IGF2: variants seen among roughly 807,000 people sequenced by gnomAD.
IGF2 encodes the protein insulin like growth factor 2.
Under a neutral mutation model 12.0 loss-of-function variants are expected in IGF2, and 2 were observed. The ratio of observed to expected loss-of-function variants is 0.17; its 90% confidence interval spans 0.07 to 0.52. The LOEUF (loss-of-function observed/expected upper bound fraction) is 0.52. IGF2 is among the 20% of genes least tolerant of loss of function. The pLI, the probability that IGF2 is intolerant of heterozygous loss-of-function variation, is 0.95. For synonymous variants in IGF2, 105 were observed against 110.1 expected (o/e 0.95, Z 0.29); for missense variants, 211 against 268.0 (o/e 0.79, Z 1.48).
upstream of IGF2, among the ~76,000 whole-genome samples, chr11:2,146,003 C>T (rs936606129): frequency 2.0e-5 from 3 of 152,170 alleles, no homozygotes; most frequent in South Asian, 2.1e-4. Context: ...AGAGCTTGGC[C>T]GGCAGGAACT....
the IGF2 span, chr11:2,147,601 G>C: frequency 1.6e-5 from 20 of 1,235,524 alleles, no homozygotes; most frequent in African/African-American, 2.3e-4. This position sits in a 1 kb window ranked among gnomAD's most constrained non-coding sequence, Gnocchi z 7.2. Flanking sequence ...GGCTGGGGCT[G>C]GCTGCCAGCC....
chr11:2,130,511 A>G lies in IGF2; in HGVS notation c.*2476T>C. On this transcript the variant is annotated 3_prime_UTR_variant, in exon 4 of 4. Transcript: ENST00000416167. ...GGCTTCGTGCGTTCTTGCTTTTGTC[A>G]CTGCCCCCCTGTTACATGGGGGGGG... 1 of 199,060 alleles carries G rather than the reference A, an allele frequency of 5.0e-6. No homozygotes were observed. The highest frequency in any genetic ancestry group is 9.8e-6 in the Non-Finnish European group (1 of 102,174). The allele number at this position is 199,060 out of a possible 1,614,324, so 12.3% of individuals were successfully genotyped here. A position where few individuals can be genotyped will look rare whatever the true frequency, so the allele number is the denominator to read the frequency against.
the IGF2 span, chr11:2,148,968 G>T: frequency 1.5e-6 from 1 of 662,320 alleles, no homozygotes; most frequent in Non-Finnish European, 2.6e-6. This position sits in a 1 kb window ranked among gnomAD's most constrained non-coding sequence, Gnocchi z 4.3. Flanking sequence ...AGTTGAGGCT[G>T]CTCTCAGGAG....
At chr11:2,142,388 G>A (rs888885315), upstream of IGF2, among the ~76,000 whole-genome samples, 4 of 152,216 alleles carry the variant, frequency 2.6e-5, no homozygotes, top group Admixed American at 6.5e-5. The surrounding 1 kb of genome is among the most constrained non-coding windows in gnomAD (Gnocchi z 5.7). Flanking sequence ...TTTAAAGAAA[G>A]GGGATTCAGA....
At chr11:2,143,955 G>A (rs969786119), upstream of IGF2, among the ~76,000 whole-genome samples, 1 of 152,238 alleles carries the variant, frequency 6.6e-6, no homozygotes, top group Non-Finnish European at 1.5e-5. Context: ...GCTGGGGCGC[G>A]CGCGGAGCAC....
At position 2,135,534 on chromosome 11, in the gene IGF2, G is replaced by C. The variant is rs748175741; in HGVS notation, c.-6-5C>G. ...CATTGGGATTCCCATTGGTGTCTGG[G>C]GGCGGGAGAGAAGTGGCGTGAGCGG... On this transcript the variant is annotated splice_polypyrimidine_tract_variant and splice_region_variant and intron_variant, in intron 1 of 3. Transcript: ENST00000416167. 1 of 1,611,886 alleles carries C rather than the reference G, an allele frequency of 6.2e-7. No homozygotes were observed.
chr11:2,149,080 A>G, the IGF2 span: 5 of 1,572,656 alleles, frequency 3.2e-6, no homozygotes, highest in Middle Eastern at 3.3e-4. Flanking sequence ...CTGAACACTT[A>G]AAGTGCAGCT....
intron 1 of IGF2, 82 bp from the exon 2 acceptor site, chr11:2,135,611 C>T: frequency 3.9e-6 from 5 of 1,270,184 alleles, no homozygotes; most frequent in Non-Finnish European, 5.5e-6. Flanking sequence ...ACCAAATTTG[C>T]CAACCTACAA....
upstream of IGF2, chr11:2,139,452 GGGCCTCGCT>G (rs1564899879): frequency 1.4e-5 from 2 of 146,768 alleles, no homozygotes; most frequent in African/African-American, 2.5e-5. Context: ...GGGCCCGCGC[GGGCCTCGCT>G]GGCCTCGCGC....
chr11:2,134,203 C>A, intron 2 of IGF2: 1 of 472,164 alleles, frequency 2.1e-6, no homozygotes, highest in Non-Finnish European at 4.3e-6. Context: ...CTCCCGTCTT[C>A]CCCCTCTCCC....
the IGF2 span, chr11:2,146,471 C>A: frequency 1.9e-6 from 1 of 516,284 alleles, no homozygotes; most frequent in Non-Finnish European, 4.0e-6. Context: ...AACTGCAACC[C>A]TCCACACCAG....
chr11:2,147,552 C>A, the IGF2 span: 8 of 1,135,954 alleles, frequency 7.0e-6, no homozygotes, highest in Non-Finnish European at 8.9e-6. The surrounding 1 kb of genome is among the most constrained non-coding windows in gnomAD (Gnocchi z 7.2). Flanking sequence ...CCTCAGGGTG[C>A]CTGAGACACT....
At position 2,133,952 on chromosome 11, in the gene IGF2, C is replaced by T. The variant is rs113257255; in HGVS notation, c.158-287G>A. 6.6e-6 allele frequency among the ~76,000 whole-genome samples: 1 copy of T among 152,226 alleles called. No individual in the cohort carries two copies. The highest frequency in any genetic ancestry group is 2.4e-5 in the African/African-American group (1 of 41,462). ...TCTTGGTCCCACAACCAGAGGGACA[C>T]CACCAGGACCAAAGGCTCACAATGG... is the stretch of plus-strand genomic sequence containing the variant. On this transcript the variant is annotated intron_variant, in intron 2 of 3. Coordinates refer to ENST00000416167, the MANE Select transcript of IGF2 (RefSeq NM_000612.6). This position sits in a 1 kb window ranked among gnomAD's most constrained non-coding sequence, Gnocchi z 8.9.
At chr11:2,143,765 T>A (rs797010146), upstream of IGF2, among the ~76,000 whole-genome samples, 17 of 152,366 alleles carry the variant, frequency 1.1e-4, 1 homozygote, top group African/African-American at 4.1e-4. Context: ...GGTGAGTATA[T>A]TTAGAAGACT....
intron 1 of IGF2, chr11:2,137,095 C>T: frequency 3.0e-6 from 1 of 332,654 alleles, no homozygotes. Context: ...GGCTGCAGGG[C>T]CCGAGGCCCA....
At chr11:2,149,556 G>A in the IGF2 span, 4 of 605,342 alleles carry the variant, frequency 6.6e-6, 1 homozygote, top group Non-Finnish European at 1.2e-5. Context: ...GGCCGCTGGG[G>A]CAGCTGGCTC....
Position 2,135,357 on chromosome 11 carries a change from AG to A in IGF2, c.157+9del. Reference sequence around the variant, plus strand: ...GACCAGGTCTGAGGAAGCCCCTCCCAGCTACTTACTGAAGTAGAAGCCGCGG... The same window carrying A: ...GACCAGGTCTGAGGAAGCCCCTCCCACTACTTACTGAAGTAGAAGCCGCGG... On this transcript the variant is annotated intron_variant, in intron 2 of 3. Coordinates refer to ENST00000416167, the MANE Select transcript of IGF2 (RefSeq NM_000612.6). 6.2e-7 allele frequency: 1 copy of A among 1,603,772 alleles called. No homozygotes were observed. The highest frequency in any genetic ancestry group is 8.5e-7 in the Non-Finnish European group (1 of 1,174,750).
At chr11:2,140,303 G>A (rs1485849759), upstream of IGF2, 1 of 1,610,806 alleles carries the variant, frequency 6.2e-7, no homozygotes, top group African/African-American at 1.3e-5. Context: ...CCATCTCCTG[G>A]AGAGTTTGAA....
chr11:2,140,444 C>T (rs1332649367), upstream of IGF2: 13 of 649,830 alleles, frequency 2.0e-5, no homozygotes, highest in Admixed American at 5.9e-5. Context: ...GCCCCCCTGG[C>T]CCCCCTCGCC....
Sources: allele counts gnomAD v4.1 joint callset (sites outside exome capture counted in the v4.1 genomes callset), GRCh38; gene constraint gnomAD v4.1.1; non-coding constraint Gnocchi (gnomAD v3.1); transcripts MANE v1.5; gene names NCBI Gene and HGNC (gene_info 2026-07-23, HGNC 2026-07-21).